Variants in EBF1 observed in about 807,000 individuals in gnomAD.
The protein encoded by EBF1 is transcription factor COE1.
Under a neutral mutation model 68.4 loss-of-function variants are expected in EBF1, and 10 were observed. The ratio of observed to expected loss-of-function variants is 0.15; its 90% CI spans 0.09 to 0.25. The LOEUF is 0.25. Among genes scored for constraint, EBF1 ranks in the 10% least tolerant of loss-of-function variants. The pLI is 1.00. For synonymous variants in EBF1, 298 were observed against 299.8 expected, an observed-to-expected ratio of 0.99 and a Z score of 0.06; for missense variants, 509 against 794.4, an observed-to-expected ratio of 0.64 and a Z score of 4.32.
At chr5:159,009,754 AG>A (rs2127674764) in intron 6 of EBF1, among the ~76,000 whole-genome samples, 1 of 147,872 alleles carries the variant, frequency 6.8e-6, no homozygotes, top group African/African-American at 2.5e-5. Context: ...CCTGGGCAAG[AG>A]AGCAAGACCC....
intron 6 of EBF1, among the ~76,000 whole-genome samples, chr5:158,967,456 T>A (rs940061334): frequency 6.6e-6 from 1 of 152,182 alleles, no homozygotes; most frequent in African/African-American, 2.4e-5. Flanking sequence ...TTAGTGCTAC[T>A]CCCATACCCA....
chr5:159,078,697 A>C (rs1001290964), intron 5 of EBF1, among the ~76,000 whole-genome samples: 3 of 152,184 alleles, frequency 2.0e-5, no homozygotes, highest in Admixed American at 6.5e-5. Flanking sequence ...CATGAGAACA[A>C]TGTGGCCAGT....
intron 6 of EBF1, among the ~76,000 whole-genome samples, chr5:158,993,020 C>T (rs1760694403): frequency 7.0e-6 from 1 of 143,208 alleles, no homozygotes; most frequent in Admixed American, 7.4e-5. Context: ...CCTCCGCCTC[C>T]TGGGCTCAAG....
chr5:159,059,599 A>C (rs1266670723), intron 6 of EBF1, among the ~76,000 whole-genome samples: 1 of 152,220 alleles, frequency 6.6e-6, no homozygotes, highest in Middle Eastern at 3.2e-3. Context: ...ACATTAATCA[A>C]ACCATGGCTA....
intron 6 of EBF1, among the ~76,000 whole-genome samples, chr5:158,927,321 A>G (rs1809902361): frequency 1.3e-5 from 2 of 152,222 alleles, no homozygotes; most frequent in South Asian, 4.2e-4. Context: ...CCTTAACTAG[A>G]TCTTCTATCA....
chr5:158,982,146 A>G (rs1184537469), intron 6 of EBF1, among the ~76,000 whole-genome samples: 3 of 152,246 alleles, frequency 2.0e-5, no homozygotes, highest in Non-Finnish European at 4.4e-5. Flanking sequence ...AAACTCTGTA[A>G]AAAAGGTAGA....
intron 11 of EBF1, 121 bp from the exon 12 acceptor site, chr5:158,714,303 G>A (rs1760136488): frequency 1.8e-6 from 2 of 1,097,220 alleles, no homozygotes; most frequent in Admixed American, 1.8e-5. Context: ...AAAGGCCGTA[G>A]CTTGGGGAAC....
chr5:158,734,153 G>T (rs1764691870), intron 10 of EBF1, among the ~76,000 whole-genome samples: 1 of 152,136 alleles, frequency 6.6e-6, no homozygotes, highest in African/African-American at 2.4e-5. Flanking sequence ...ATAGAATAAA[G>T]AAAATATGTC....
intron 7 of EBF1, among the ~76,000 whole-genome samples, chr5:158,833,305 A>G (rs932172418): frequency 5.9e-5 from 9 of 152,050 alleles, no homozygotes; most frequent in African/African-American, 2.2e-4. Context: ...CTCAAAAAAA[A>G]AAAAAAAGAA....
At chr5:159,062,854 T>G (rs138500069) in intron 6 of EBF1, among the ~76,000 whole-genome samples, 210 of 152,378 alleles carry the variant, frequency 1.4e-3, no homozygotes, top group African/African-American at 4.7e-3. Context: ...GCAGAGATTT[T>G]CACTTGTCTG....
chr5:158,721,137 C>T (rs1561736784), intron 11 of EBF1, among the ~76,000 whole-genome samples: 1 of 151,666 alleles, frequency 6.6e-6, no homozygotes, highest in Non-Finnish European at 1.5e-5. Flanking sequence ...GCAGGAGGAC[C>T]TCTTCTGAAC....
At chr5:158,798,587 C>A (rs1780004524) in intron 8 of EBF1, among the ~76,000 whole-genome samples, 1 of 152,136 alleles carries the variant, frequency 6.6e-6, no homozygotes, top group African/African-American at 2.4e-5. Context: ...GACCCCTTCC[C>A]TCTTTTTTCC....
At chr5:158,920,873 C>T (rs930572579) in intron 6 of EBF1, among the ~76,000 whole-genome samples, 2 of 152,174 alleles carry the variant, frequency 1.3e-5, no homozygotes, top group Non-Finnish European at 2.9e-5. Flanking sequence ...GGGATGACAG[C>T]ACTGGAGAGG....
intron 5 of EBF1, among the ~76,000 whole-genome samples, chr5:159,075,096 C>T (rs1778509672): frequency 6.6e-6 from 1 of 152,192 alleles, no homozygotes; most frequent in South Asian, 2.1e-4. Flanking sequence ...GACAGAGCTG[C>T]CTATCTCAAC....
intron 6 of EBF1, among the ~76,000 whole-genome samples, chr5:159,026,719 A>T (rs1245267053): frequency 6.6e-6 from 1 of 152,196 alleles, no homozygotes; most frequent in Non-Finnish European, 1.5e-5. Context: ...AGCCCTAGAC[A>T]TCGAAATCTA....
intron 9 of EBF1, among the ~76,000 whole-genome samples, chr5:158,795,162 T>G (rs1779388783): frequency 6.6e-6 from 1 of 152,192 alleles, no homozygotes; most frequent in African/African-American, 2.4e-5. Flanking sequence ...TATCACAGTC[T>G]TAACTTTCTG....
intron 6 of EBF1, among the ~76,000 whole-genome samples, chr5:158,896,281 G>A (rs1160545411): frequency 6.6e-6 from 1 of 152,110 alleles, no homozygotes; most frequent in Non-Finnish European, 1.5e-5. Flanking sequence ...TATATTGATG[G>A]GAAGTTGAGT....
chr5:158,837,985 T>C (rs755539382), intron 7 of EBF1, among the ~76,000 whole-genome samples: 2 of 152,178 alleles, frequency 1.3e-5, no homozygotes, highest in African/African-American at 2.4e-5. Flanking sequence ...TTCAGCCTCA[T>C]GTTGCAAGAC....
Position 158,933,690 on chromosome 5 carries a change from A to G in EBF1, c.555-93580T>C, listed in dbSNP as rs1811370728. Reference sequence around the variant, plus strand: ...CAAGTGACTTAACCTCTCTGAGCCAATGGTCACTCACCTTATTTCTCAAAG... The same window carrying G: ...CAAGTGACTTAACCTCTCTGAGCCAGTGGTCACTCACCTTATTTCTCAAAG... On this transcript the variant is annotated intron_variant, in intron 6 of 15. Coordinates refer to ENST00000313708, the MANE Select transcript of EBF1 (RefSeq NM_024007.5). 2.6e-5 allele frequency among the ~76,000 whole-genome samples: 4 copies of G among 152,362 alleles called. No homozygotes were observed. In the South Asian group the frequency reaches 6.2e-4, roughly 24 times the overall value.
Sources: gnomAD v4.1 joint callset for allele counts (sites outside exome capture counted in the v4.1 genomes callset) on GRCh38, gnomAD v4.1.1 for gene constraint, MANE v1.5 for transcripts, NCBI Gene and HGNC (gene_info 2026-07-23, HGNC 2026-07-21) for gene names.